Variants in ADCY4 observed in about 807,000 individuals in gnomAD.
ADCY4 encodes the protein adenylate cyclase type 4.
Under a neutral mutation model 125.5 loss-of-function variants are expected in ADCY4, and 111 were observed. That is an observed-to-expected ratio of 0.88 (90% CI 0.76 to 1.04). The LOEUF is 1.04. Ranked by LOEUF, ADCY4 falls within the 50% of genes least tolerant of loss-of-function variation. ADCY4 has a pLI of 0.00. For missense variants in ADCY4, 1,256 were observed against 1,382.9 expected (o/e 0.91, Z 1.46); for synonymous variants, 576 against 586.9 (o/e 0.98, Z 0.27).
In ADCY4 at chr14:24,328,973, TG is replaced by T. The variant is rs577731370; in HGVS notation, c.1524+87del. 1.9e-4 allele frequency: 275 copies of T among 1,463,828 alleles called. 1 individual carries two copies. The African/African-American group carries it at 3.6e-3, about 19-fold the overall frequency. The allele number at this position is 1,463,828 out of a possible 1,614,324, so 90.7% of individuals were successfully genotyped here. On this transcript the variant is annotated intron_variant, in intron 10 of 24. Coordinates refer to ENST00000418030, the MANE Select transcript of ADCY4 (RefSeq NM_001198568.2). ...AAATCATTAAGTGGCTCACTGGTGG[TG>T]GGGGCAGGGAAGGCTGCCAGTGGGG...
Position 24,319,984 on chromosome 14 carries a change from G to A in ADCY4, c.2587-96C>T. 7.0e-7 allele frequency: 1 copy of A among 1,429,870 alleles called. No individual in the cohort carries two copies. The highest frequency in any genetic ancestry group is 9.4e-7 in the Non-Finnish European group (1 of 1,060,070). 88.6% of individuals were successfully genotyped at this position (1,429,870 alleles called of 1,614,324 possible). Reference sequence around the variant, plus strand: ...CCCTCCTCCCCATGTCCACACTCCTGGTCTCCCTGTTTAAGAAGAATTGGG... The same window carrying A: ...CCCTCCTCCCCATGTCCACACTCCTAGTCTCCCTGTTTAAGAAGAATTGGG... On this transcript the variant is annotated intron_variant, in intron 20 of 24. Transcript: ENST00000418030. This position sits in a 1 kb window ranked among gnomAD's most constrained non-coding sequence, Gnocchi z 4.5.
chr14:24,325,392 A>T lies in ADCY4; in HGVS notation c.1808T>A (p.Met603Lys), dbSNP rs370814999. The change falls in exon 14 of 25, where the codon ATG (methionine) becomes AAG (lysine). Residue 603 changes from methionine (M) to lysine (K), a missense_variant. Transcript: ENST00000418030. Reference protein sequence around the residue: ...LVFLSNFIIQMLVTNRPPALA... With the variant: ...LVFLSNFIIQKLVTNRPPALA... ...GCACTCTCACCTGTTTGTCACTAGC[A>T]TCTGGATGATGAAGTTGGAGAGAAA... 1 of 1,613,622 alleles carries T rather than the reference A, an allele frequency of 6.2e-7. No homozygotes were observed. Among genetic ancestry groups the T allele is most frequent in the Non-Finnish European group, 8.5e-7 (1 of 1,179,910 alleles).
chr14:24,330,907 C>A, intron 6 of ADCY4, 111 bp downstream of exon 6: 1 of 896,672 alleles, frequency 1.1e-6, no homozygotes, highest in Non-Finnish European at 1.7e-6. Flanking sequence ...TGGGGGCCTG[C>A]ATGCACTGAA....
rs2042035768 is a variant in ADCY4, at chr14:24,331,203, C to T, written c.818+5G>A. 4 of 1,614,080 alleles carry T rather than the reference C, an allele frequency of 2.5e-6. No homozygotes were observed. In the South Asian group the frequency reaches 4.4e-5, roughly 18 times the overall value. On this transcript the variant is annotated splice_donor_5th_base_variant and intron_variant, in intron 5 of 24. Coordinates refer to ENST00000418030, the MANE Select transcript of ADCY4 (RefSeq NM_001198568.2). ...CCCCTCCCCTCCAGCCATTCTTCCT[C>T]ATACCTGACTCCCTGGTGCCTCTTG...
Position 24,319,010 on chromosome 14 carries a change from C to A in ADCY4, c.2956+88G>T, listed in dbSNP as rs2041812424. 1 of 1,518,192 alleles carries A rather than the reference C, an allele frequency of 6.6e-7. No homozygotes were observed. The highest frequency in any genetic ancestry group is 1.2e-5 in the South Asian group (1 of 84,166). 94.0% of individuals were successfully genotyped at this position (1,518,192 alleles called of 1,614,324 possible). ...GTCAGGAAAGGGGCTTCAGGATGAACTGGGAGCAGCTAACAAAGGACTTGG... is the reference window on the plus strand; with the variant it reads ...GTCAGGAAAGGGGCTTCAGGATGAAATGGGAGCAGCTAACAAAGGACTTGG... On this transcript the variant is annotated intron_variant, in intron 23 of 24. Transcript: ENST00000418030. The surrounding 1 kb of genome is among the most constrained non-coding windows in gnomAD (Gnocchi z 4.5).
chr14:24,324,734 C>T (rs530311084), intron 14 of ADCY4, among the ~76,000 whole-genome samples: 3 of 151,518 alleles, frequency 2.0e-5, no homozygotes, highest in Admixed American at 6.6e-5. Context: ...GGCGGAGTCT[C>T]GCTCTGTTGC....
At chr14:24,330,557 G>A (rs2139221007) in intron 6 of ADCY4, 1 of 447,644 alleles carries the variant, frequency 2.2e-6, no homozygotes, top group East Asian at 4.1e-5. Flanking sequence ...GGTACCCAGA[G>A]TTGAGTACGT....
Position 24,334,909 on chromosome 14 carries a change from A to C in ADCY4, c.-257T>G. 1 of 412,814 alleles carries C rather than the reference A, an allele frequency of 2.4e-6. No individual in the cohort carries two copies. The highest frequency in any genetic ancestry group is 4.3e-6 in the Non-Finnish European group (1 of 231,864). The allele number at this position is 412,814 out of a possible 1,614,324, so 25.6% of individuals were successfully genotyped here. Reference sequence around the variant, plus strand: ...CCCGGATTGTAGAGGTGCCCTAGAAAAGCCTCATCGCCAGGAGGGCAGGAT... The same window carrying C: ...CCCGGATTGTAGAGGTGCCCTAGAACAGCCTCATCGCCAGGAGGGCAGGAT... On this transcript the variant is annotated 5_prime_UTR_variant, in exon 1 of 25. Transcript: ENST00000418030.
At position 24,330,032 on chromosome 14, in the gene ADCY4, G is replaced by A. The variant is rs1403550659; in HGVS notation, c.1059-14C>T. On this transcript the variant is annotated splice_polypyrimidine_tract_variant and intron_variant, in intron 7 of 24. Transcript: ENST00000418030. ...GCCCGCAGTTTCCTGAGCAGTGTGT[G>A]TGTGGGACAATCTGAGTCCTACCCT... is the stretch of plus-strand genomic sequence containing the variant. 1.2e-6 allele frequency: 2 copies of A among 1,610,484 alleles called. No individual in the cohort carries two copies. The highest frequency in any genetic ancestry group is 1.3e-5 in the African/African-American group (1 of 74,880).
rs762710081 is a variant in ADCY4 at position 24,329,020 on chromosome 14, AT to A, written c.1524+40del. On this transcript the variant is annotated intron_variant, in intron 10 of 24. Transcript: ENST00000418030. ...TGGGGCCTGAGGATACTGGGGGTGG[AT>A]TTAACTAAGCTCTGGGGCTCAGGAT... 2.5e-5 allele frequency: 40 copies of A among 1,595,274 alleles called. 1 individual carries two copies. Among genetic ancestry groups the A allele is most frequent in the African/African-American group, 1.5e-4 (11 of 74,590 alleles).
Position 24,324,063 on chromosome 14 carries a change from A to G in ADCY4, c.2045T>C (p.Leu682Pro), listed in dbSNP as rs202057262. 8.6e-5 allele frequency: 139 copies of G among 1,613,916 alleles called. No individual in the cohort carries two copies. The highest frequency in any genetic ancestry group is 1.1e-4 in the Non-Finnish European group (133 of 1,179,980). The change falls in exon 16 of 25, where the codon CTG (leucine) becomes CCG (proline). Residue 682 changes from leucine to proline, a missense_variant and splice_region_variant. Transcript: ENST00000418030. The part of the protein sequence containing the change: ...LLVFAMAITS[L>P]FFFPTSSDCP... ...GGATAGGGCCCCCTCTGTCCTCACC[A>G]GGCTGGTAATGGCCATGGCAAAGAC...
rs1409856222 is a variant in ADCY4, at chr14:24,323,062, G to A, written c.2184C>T (p.Gly728=). 1.2e-6 allele frequency: 2 copies of A among 1,614,050 alleles called. No homozygotes were observed. The highest frequency in any genetic ancestry group is 2.7e-5 in the African/African-American group (2 of 74,932). ...VPYSMHCCTL[G]FLSCSLFLHM... ...GCAGAAAGAGGGAGCAGGAGAGGAA[G>A]CCCAGCGTGCAGCAGTGCATGGAGT... The change falls in exon 18 of 25, where the codon GGC becomes GGT. Residue 728 remains glycine, a synonymous_variant. Transcript: ENST00000418030.
At chr14:24,333,096 A>C (rs2139228437) in intron 1 of ADCY4, 108 bp from the exon 2 acceptor site, 841 of 1,139,098 alleles carry the variant, frequency 7.4e-4, no homozygotes, top group Non-Finnish European at 9.1e-4. Context: ...AAGGTGTCTC[A>C]AGCCTAAGTA....
chr14:24,333,773 G>A (rs989799682), intron 1 of ADCY4, among the ~76,000 whole-genome samples: 5 of 152,212 alleles, frequency 3.3e-5, no homozygotes, highest in African/African-American at 7.2e-5. Flanking sequence ...AGGGCGGCGC[G>A]AGGCAGCGCT....
chr14:24,320,365 AG>A (rs1207698080), intron 20 of ADCY4, among the ~76,000 whole-genome samples: 4 of 152,344 alleles, frequency 2.6e-5, no homozygotes, highest in Non-Finnish European at 5.9e-5. Flanking sequence ...ATCAGATCTG[AG>A]GGTGGTTCAC....
Position 24,319,646 on chromosome 14 carries a change from T to A in ADCY4, c.2733+96A>T. 1 of 1,511,220 alleles carries A rather than the reference T, an allele frequency of 6.6e-7. No homozygotes were observed. The highest frequency in any genetic ancestry group is 9.1e-7 in the Non-Finnish European group (1 of 1,096,218). The allele number at this position is 1,511,220 out of a possible 1,614,324, so 93.6% of individuals were successfully genotyped here. A position where few individuals can be genotyped will look rare whatever the true frequency, so the allele number is the denominator to read the frequency against. On this transcript the variant is annotated intron_variant, in intron 21 of 24. Coordinates refer to ENST00000418030, the MANE Select transcript of ADCY4 (RefSeq NM_001198568.2). This position sits in a 1 kb window ranked among gnomAD's most constrained non-coding sequence, Gnocchi z 4.5. ...TGAGGGAGTACTGTGGAGGGGAGGA[T>A]TGACTTCATGGCCAGAAAAGCAAAG...
chr14:24,321,840 T>C (rs112986580), intron 20 of ADCY4: 8 of 1,297,066 alleles, frequency 6.2e-6, no homozygotes, highest in African/African-American at 5.9e-5. Context: ...TATGGAATGG[T>C]CATGAGTTAG....
chr14:24,326,975 C>T (rs1172387032), intron 10 of ADCY4, among the ~76,000 whole-genome samples: 1 of 146,076 alleles, frequency 6.8e-6, no homozygotes, highest in Non-Finnish European at 1.5e-5. Flanking sequence ...CAGCTCACTG[C>T]AACCTCCGCC....
Position 24,331,280 on chromosome 14 carries a change from G to A in ADCY4, c.746C>T (p.Ala249Val). The A allele has an allele frequency of 6.2e-7, 1 of 1,614,136 alleles. No individual in the cohort carries two copies. Among genetic ancestry groups the A allele is most frequent in the Non-Finnish European group, 8.5e-7 (1 of 1,180,030 alleles). Residue 249 changes from alanine to valine, a missense_variant, in exon 5 of 25, where the codon GCA becomes GTA. Physicochemically the swap from Ala to Val is moderately conservative, Grantham distance 64. Coordinates refer to ENST00000418030, the MANE Select transcript of ADCY4 (RefSeq NM_001198568.2). ...GCTCTCTGGCCGTGACCCCTGTCCTGCCTGCAGCCGTGCCATGATCTCTGC... is the reference window on the plus strand; with the variant it reads ...GCTCTCTGGCCGTGACCCCTGTCCTACCTGCAGCCGTGCCATGATCTCTGC... Reference protein sequence around the residue: ...MKAEIMARLQAGQGSRPESTN... With the variant: ...MKAEIMARLQVGQGSRPESTN...
Sources: gnomAD v4.1 joint callset for allele counts (sites outside exome capture counted in the v4.1 genomes callset) on GRCh38, gnomAD v4.1.1 for gene constraint, Gnocchi (gnomAD v3.1) non-coding constraint, MANE v1.5 for transcripts, NCBI Gene and HGNC (gene_info 2026-07-23, HGNC 2026-07-21) for gene names.